LARGE1: variants seen among roughly 807,000 people sequenced by gnomAD.
LARGE1 encodes xylosyl- and glucuronyltransferase LARGE1.
LARGE1 carries 43 observed loss-of-function variants against 87.6 expected under a neutral mutation model. That is an observed-to-expected ratio of 0.49 (90% CI 0.38 to 0.63). The LOEUF (loss-of-function observed/expected upper bound fraction) is 0.63. Ranked by LOEUF, LARGE1 falls within the 30% of genes least tolerant of loss-of-function variation. The probability of loss-of-function intolerance (pLI) is 0.00; values close to 1 mark genes in which losing one functional copy is unlikely to be tolerated. For missense variants in LARGE1, 802 were observed against 1,000.2 expected (o/e 0.80, Z 2.67); for synonymous variants, 434 against 394.6 (o/e 1.10, Z -1.18).
chr22:33,716,775 G>C (rs918586555), intron 2 of LARGE1, among the ~76,000 whole-genome samples: 16 of 152,168 alleles, frequency 1.1e-4, no homozygotes, highest in African/African-American at 3.9e-4. Context: ...GAGTGTGTTA[G>C]TAAATGTTTA....
At chr22:33,862,477 C>T (rs2063959789) in intron 1 of LARGE1, among the ~76,000 whole-genome samples, 2 of 152,216 alleles carry the variant, frequency 1.3e-5, no homozygotes, top group South Asian at 2.1e-4. Context: ...ATCAACACTA[C>T]AATTTCGTCT....
chr22:33,866,475 G>A (rs2064108128), intron 1 of LARGE1, among the ~76,000 whole-genome samples: 1 of 152,214 alleles, frequency 6.6e-6, no homozygotes, highest in Non-Finnish European at 1.5e-5. Flanking sequence ...CCATCCTGCA[G>A]AAGGTTCTGT....
intron 1 of LARGE1, among the ~76,000 whole-genome samples, chr22:33,782,204 A>G (rs1242113731): frequency 6.6e-6 from 1 of 152,308 alleles, no homozygotes; most frequent in Non-Finnish European, 1.5e-5. Context: ...AAAATGTTTA[A>G]AGCACTAAAA....
At chr22:33,695,228 C>T (rs1386867119) in intron 2 of LARGE1, among the ~76,000 whole-genome samples, 5 of 151,530 alleles carry the variant, frequency 3.3e-5, no homozygotes, top group Non-Finnish European at 7.4e-5. Flanking sequence ...CTCAGCCTCC[C>T]GAGAAGCTAG....
intron 5 of LARGE1, among the ~76,000 whole-genome samples, chr22:33,581,541 C>T (rs2078519175): frequency 6.6e-6 from 1 of 152,048 alleles, no homozygotes; most frequent in African/African-American, 2.4e-5. Context: ...TGACTGGGCA[C>T]GGTGGCTCAA....
At chr22:33,502,959 C>T (rs1157520916) in intron 6 of LARGE1, among the ~76,000 whole-genome samples, 1 of 152,176 alleles carries the variant, frequency 6.6e-6, no homozygotes, top group Non-Finnish European at 1.5e-5. Flanking sequence ...CACATCCATT[C>T]ATTTGTCTGA....
chr22:33,463,670 G>C (rs967102902), intron 6 of LARGE1, among the ~76,000 whole-genome samples: 1 of 151,984 alleles, frequency 6.6e-6, no homozygotes, highest in Non-Finnish European at 1.5e-5. Context: ...ACAATTCATT[G>C]AGCTGGTACT....
chr22:33,684,714 G>C (rs1177952640), intron 2 of LARGE1, among the ~76,000 whole-genome samples: 1 of 152,124 alleles, frequency 6.6e-6, no homozygotes, highest in Non-Finnish European at 1.5e-5. Flanking sequence ...AAGAAGCTGA[G>C]AACTCATTCT....
chr22:33,144,101 A>G, the LARGE1 span, among the ~76,000 whole-genome samples: 5 of 151,966 alleles, frequency 3.3e-5, no homozygotes, highest in Admixed American at 6.6e-5. Context: ...GTTTCAATAT[A>G]CTGTTTATTA....
intron 11 of LARGE1, among the ~76,000 whole-genome samples, chr22:33,223,958 T>A (rs1366146072): frequency 6.6e-6 from 1 of 152,168 alleles, no homozygotes; most frequent in Non-Finnish European, 1.5e-5. Context: ...GCCACCTCTA[T>A]GCCCCCAGCT....
intron 6 of LARGE1, among the ~76,000 whole-genome samples, chr22:33,470,323 T>C (rs2068777726): frequency 2.0e-5 from 3 of 152,198 alleles, no homozygotes; most frequent in Admixed American, 2.0e-4. Context: ...GGCATTATTA[T>C]TGAACTCTAA....
chr22:33,471,342 C>T (rs1347289599), intron 6 of LARGE1, among the ~76,000 whole-genome samples: 3 of 151,702 alleles, frequency 2.0e-5, no homozygotes, highest in African/African-American at 7.3e-5. Context: ...CCACACTCAG[C>T]CCAGTCTTTC....
At chr22:33,482,871 A>G (rs1336102147) in intron 6 of LARGE1, among the ~76,000 whole-genome samples, 1 of 152,154 alleles carries the variant, frequency 6.6e-6, no homozygotes, top group Non-Finnish European at 1.5e-5. Flanking sequence ...GTTCCTGGAA[A>G]TGTCAAGAGT....
At chr22:33,364,200 G>A (rs984466466) in intron 9 of LARGE1, among the ~76,000 whole-genome samples, 6 of 151,958 alleles carry the variant, frequency 3.9e-5, no homozygotes, top group South Asian at 2.1e-4. Flanking sequence ...GACTACAGGC[G>A]CCCGCCACCA....
chr22:33,567,280 C>T (rs1027973115), intron 5 of LARGE1, among the ~76,000 whole-genome samples: 1 of 152,078 alleles, frequency 6.6e-6, no homozygotes, highest in Admixed American at 6.5e-5. Flanking sequence ...GGAGACGATG[C>T]CTACTTCACA....
intron 7 of LARGE1, 110 bp downstream of exon 7, chr22:33,432,051 G>T: frequency 1.2e-6 from 1 of 828,576 alleles, no homozygotes; most frequent in Non-Finnish European, 2.1e-6. Context: ...CTGAATTCAA[G>T]CAATCAGGTG....
chr22:33,624,886 C>T (rs1248282364), intron 4 of LARGE1, among the ~76,000 whole-genome samples: 8 of 152,048 alleles, frequency 5.3e-5, no homozygotes, highest in East Asian at 1.9e-4. Flanking sequence ...ATGGAGAGAA[C>T]GGGGAGAAAG....
chr22:33,896,133 T>C (rs891172477), intron 1 of LARGE1, among the ~76,000 whole-genome samples: 1 of 152,238 alleles, frequency 6.6e-6, no homozygotes, highest in Non-Finnish European at 1.5e-5. Flanking sequence ...TTTTACTTTC[T>C]GTCTCTACAA....
chr22:33,648,665 T>C (rs1324904713), intron 3 of LARGE1, among the ~76,000 whole-genome samples: 1 of 152,188 alleles, frequency 6.6e-6, no homozygotes, highest in Non-Finnish European at 1.5e-5. Flanking sequence ...CCCGTTTTCA[T>C]ACATAGAGAT....
Sources: gnomAD v4.1 joint callset for allele counts (sites outside exome capture counted in the v4.1 genomes callset) on GRCh38, gnomAD v4.1.1 for gene constraint, MANE v1.5 for transcripts, NCBI Gene and HGNC (gene_info 2026-07-23, HGNC 2026-07-21) for gene names.